Variants in ADAMTS8 observed in about 807,000 individuals in gnomAD.
ADAMTS8 encodes the protein ADAM metallopeptidase with thrombospondin type 1 motif 8, also known as A disintegrin and metalloproteinase with thrombospondin motifs 8.
A neutral mutation model predicts 64.4 loss-of-function variants in ADAMTS8; 50 were observed. That is an observed-to-expected ratio of 0.78 (90% CI 0.62 to 0.98). ADAMTS8 has a LOEUF of 0.98. Among genes scored for constraint, ADAMTS8 ranks in the 50% least tolerant of loss-of-function variants. The pLI, the probability that ADAMTS8 is intolerant of heterozygous loss-of-function variation, is 0.00. For missense variants in ADAMTS8, 1,192 were observed against 1,208.2 expected, an observed-to-expected ratio of 0.99 and a Z score of 0.20; for synonymous variants, 556 against 533.6, an observed-to-expected ratio of 1.04 and a Z score of -0.58.
At chr11:130,424,613 A>G (rs1862139662) in intron 1 of ADAMTS8, among the ~76,000 whole-genome samples, 1 of 152,222 alleles carries the variant, frequency 6.6e-6, no homozygotes, top group African/African-American at 2.4e-5. Context: ...AGGTCTCCAC[A>G]TAAAGGACTG....
intron 8 of ADAMTS8, among the ~76,000 whole-genome samples, chr11:130,407,142 C>T (rs28396081): frequency 1.3e-5 from 2 of 152,142 alleles, no homozygotes; most frequent in Admixed American, 6.5e-5. Context: ...CCAAGGCGGG[C>T]GGATCACTTG....
At chr11:130,427,135 C>A (rs1249992739) in intron 1 of ADAMTS8, among the ~76,000 whole-genome samples, 1 of 152,274 alleles carries the variant, frequency 6.6e-6, no homozygotes, top group African/African-American at 2.4e-5. Context: ...TCCCTGGGAG[C>A]CTCTCAGATC....
chr11:130,425,526 A>G (rs1862152327), intron 1 of ADAMTS8, among the ~76,000 whole-genome samples: 1 of 151,798 alleles, frequency 6.6e-6, no homozygotes, highest in Non-Finnish European at 1.5e-5. Context: ...GTGTGGGGGT[A>G]GAGGGGTGTA....
At chr11:130,425,885 GC>G (rs1862159674) in intron 1 of ADAMTS8, among the ~76,000 whole-genome samples, 1 of 152,124 alleles carries the variant, frequency 6.6e-6, no homozygotes, top group African/African-American at 2.4e-5. Flanking sequence ...ACAGGCTTGA[GC>G]CACCGTGCCC....
Position 130,405,724 on chromosome 11 carries a change from T to C in ADAMTS8, c.2504A>G (p.Gln835Arg), listed in dbSNP as rs1462488142. The change falls in exon 9 of 9, where the codon CAG becomes CGG. Residue 835 changes from glutamine (Q) to arginine (R), a missense_variant. Around this residue, in one of 5 missense-constraint regions of ADAMTS8, gnomAD observed 147 missense variants for 154.1 expected, o/e 0.95. Transcript: ENST00000257359. ...CTCAGACCAGTCCCCCAGCACCCAC[T>C]GTGCGTGGAGCAGCGGCTGGATGAT... ...TNIIQPLLHA[Q>R]WVLGDWSECS... is the part of the protein sequence containing the mutation. 1 of 1,614,066 alleles carries C rather than the reference T, an allele frequency of 6.2e-7. No homozygotes were observed. The highest frequency in any genetic ancestry group is 1.3e-5 in the African/African-American group (1 of 74,958).
intron 1 of ADAMTS8, among the ~76,000 whole-genome samples, chr11:130,427,038 A>G (rs1000540887): frequency 6.6e-6 from 1 of 152,228 alleles, no homozygotes; most frequent in Non-Finnish European, 1.5e-5. Context: ...CTCCAGGTTC[A>G]GCTCCTTTCA....
chr11:130,406,043 C>T lies in ADAMTS8; in HGVS notation c.2185G>A (p.Asp729Asn). The change falls in exon 9 of 9, where the codon GAT (aspartate) becomes AAT (asparagine). Residue 729 changes from aspartate to asparagine, a missense_variant. Coordinates refer to ENST00000257359, the MANE Select transcript of ADAMTS8 (RefSeq NM_007037.6). ...KQRSHPGVQN[D>N]GNYLALKTAD... ...GTCTTCAGCGCCAGGTAGTTCCCATCGTTCTGCACACCCGGGTGGCTCCGC... is the reference window on the plus strand; with the variant it reads ...GTCTTCAGCGCCAGGTAGTTCCCATTGTTCTGCACACCCGGGTGGCTCCGC... The T allele has an allele frequency of 5.0e-6, 8 of 1,614,152 alleles. No homozygotes were observed. The highest frequency in any genetic ancestry group is 1.7e-5 in the Admixed American group (1 of 60,028).
Position 130,422,532 on chromosome 11 carries a change from C to A in ADAMTS8, c.721-3240G>T, listed in dbSNP as rs77881697. On this transcript the variant is annotated intron_variant, in intron 1 of 8. Coordinates refer to ENST00000257359, the MANE Select transcript of ADAMTS8 (RefSeq NM_007037.6). ...GAGGTCAGGTGAGGAAAAGTGGCCC[C>A]GGGAAGCTCTTGCATTCCCTCTTCC... Among the ~76,000 whole-genome samples, 564 of 152,240 alleles carry A rather than the reference C, an allele frequency of 3.7e-3. 1 individual carries two copies. The highest frequency in any genetic ancestry group is 0.012 in the African/African-American group (495 of 41,532).
chr11:130,425,915 C>G (rs1463238115), intron 1 of ADAMTS8, among the ~76,000 whole-genome samples: 1 of 152,194 alleles, frequency 6.6e-6, no homozygotes, highest in Middle Eastern at 3.4e-3. Flanking sequence ...TAGCTTCTTT[C>G]TGGTGGAGCC....
At position 130,411,556 on chromosome 11, in the gene ADAMTS8, TTC is replaced by T. The variant is rs777691148; in HGVS notation, c.1609_1610del (p.Glu537MetfsTer15). On this transcript the variant is annotated frameshift_variant, in exon 6 of 9. Coordinates refer to ENST00000257359, the MANE Select transcript of ADAMTS8 (RefSeq NM_007037.6). LOFTEE classifies it high-confidence loss of function. The surrounding 1 kb of genome is among the most constrained non-coding windows in gnomAD (Gnocchi z 4.2). ...CTCCTCCTCCACAGGTCCGAGAACATTCTCCCCAGGGTCCCCACGGTGCCCAG... is the reference window on the plus strand; with the variant it reads ...CTCCTCCTCCACAGGTCCGAGAACATTCCCCAGGGTCCCCACGGTGCCCAG... Reference protein sequence around the residue: ...GGWAPWGPWGECSRTCGGGVQ... With the variant: ...GGWAPWGPWGXCSRTCGGGVQ... 1 of 1,614,112 alleles carries T rather than the reference TTC, an allele frequency of 6.2e-7. No individual in the cohort carries two copies. Among genetic ancestry groups the T allele is most frequent in the Non-Finnish European group, 8.5e-7 (1 of 1,180,008 alleles).
rs878899420 is a variant in ADAMTS8, at chr11:130,405,479, A to G, written c.*79T>C. The G allele has an allele frequency of 1.3e-6, 2 of 1,510,454 alleles. No individual in the cohort carries two copies. Among genetic ancestry groups the G allele is most frequent in the Non-Finnish European group, 1.8e-6 (2 of 1,135,142 alleles). 93.6% of individuals were successfully genotyped at this position (1,510,454 alleles called of 1,614,324 possible). A position where few individuals can be genotyped will look rare whatever the true frequency, so the allele number is the denominator to read the frequency against. ...CTGCCTTGATATGGCCAAGGGACCC[A>G]GTCACCACAGTGGAGACCCTTGTCT... On this transcript the variant is annotated 3_prime_UTR_variant, in exon 9 of 9. Coordinates refer to ENST00000257359, the MANE Select transcript of ADAMTS8 (RefSeq NM_007037.6).
chr11:130,423,529 T>C (rs1223902687), intron 1 of ADAMTS8, among the ~76,000 whole-genome samples: 1 of 152,104 alleles, frequency 6.6e-6, no homozygotes, highest in Non-Finnish European at 1.5e-5. Context: ...CATGCCCACT[T>C]TAGTGTCTTG....
At chr11:130,410,526 C>T (rs1861939457) in intron 6 of ADAMTS8, among the ~76,000 whole-genome samples, 1 of 152,188 alleles carries the variant, frequency 6.6e-6, no homozygotes, top group African/African-American at 2.4e-5. Flanking sequence ...GAGCCTCAAA[C>T]CATTGTGGAT....
chr11:130,419,609 A>G lies in ADAMTS8; in HGVS notation c.721-317T>C, dbSNP rs539966193. 7.9e-5 allele frequency among the ~76,000 whole-genome samples: 12 copies of G among 152,356 alleles called. No homozygotes were observed. In the South Asian group the frequency reaches 2.5e-3, roughly 32 times the overall value. ...CCTAAATCCAAATTCATTAAAATCC[A>G]AAACCTTAAACTTATAGCGTGGCAC... On this transcript the variant is annotated intron_variant, in intron 1 of 8. Coordinates refer to ENST00000257359, the MANE Select transcript of ADAMTS8 (RefSeq NM_007037.6).
In ADAMTS8 at chr11:130,406,106, T is replaced by C; in HGVS notation, c.2122A>G (p.Thr708Ala). 3 of 1,610,286 alleles carry C rather than the reference T, an allele frequency of 1.9e-6. No homozygotes were observed. ...ATATTAGTGGCACCAGCTGGGATGG[T>C]GACAATGTCATTGTAGCCATAACTG... The part of the protein sequence containing the change: ...PTNYGYNDIV[T>A]IPAGATNIDV... Residue 708 changes from threonine (T) to alanine (A), a missense_variant, in exon 9 of 9, where the codon ACC (threonine) becomes GCC (alanine). This residue lies in a region of ADAMTS8 where 290 missense variants were observed against 297.8 expected (regional missense o/e 0.97). Transcript: ENST00000257359.
In ADAMTS8 at chr11:130,420,980, C is replaced by G. The variant is rs147098828; in HGVS notation, c.721-1688G>C. Among the ~76,000 whole-genome samples the G allele has an allele frequency of 2.8e-3, 433 of 152,194 alleles. 4 individuals are homozygous for G. The highest frequency in any genetic ancestry group is 9.7e-3 in the African/African-American group (403 of 41,518). On this transcript the variant is annotated intron_variant, in intron 1 of 8. Transcript: ENST00000257359. The stretch of plus-strand genomic sequence containing the variant: ...CTAAGAAGGACCAGGGTCTGATGGG[C>G]CAGGGACCAACCCCTGGAATTTCTT...
intron 1 of ADAMTS8, among the ~76,000 whole-genome samples, chr11:130,424,036 T>G (rs1299926661): frequency 1.3e-5 from 2 of 152,242 alleles, no homozygotes; most frequent in Non-Finnish European, 2.9e-5. Flanking sequence ...AGTGGTGCGT[T>G]CTTTCTCTCA....
rs1219217060 is a variant in ADAMTS8, at chr11:130,408,654, G to A, written c.1924-15C>T. ...CCATCAATCACCTGCAACGGGGAAA[G>A]GGAAGGTGAGGGAGGGCGTGTTGAG... On this transcript the variant is annotated splice_polypyrimidine_tract_variant and intron_variant, in intron 7 of 8. Transcript: ENST00000257359. 4 of 1,613,618 alleles carry A rather than the reference G, an allele frequency of 2.5e-6. No homozygotes were observed. Among genetic ancestry groups the A allele is most frequent in the South Asian group, 2.2e-5 (2 of 91,072 alleles).
At chr11:130,415,366 C>T (rs532410995) in intron 4 of ADAMTS8, among the ~76,000 whole-genome samples, 42 of 151,720 alleles carry the variant, frequency 2.8e-4, no homozygotes, top group Admixed American at 7.9e-4. Flanking sequence ...TGCAGTGGCT[C>T]GATCTCGGCT....
Sources: allele counts gnomAD v4.1 joint callset (sites outside exome capture counted in the v4.1 genomes callset), GRCh38; gene constraint gnomAD v4.1.1; regional missense constraint gnomAD v4.1.1; non-coding constraint Gnocchi (gnomAD v3.1); transcripts MANE v1.5; gene names NCBI Gene and HGNC (gene_info 2026-07-23, HGNC 2026-07-21).